Variants in MYO16 observed in about 807,000 individuals in gnomAD.
The protein encoded by MYO16 is unconventional myosin-XVI.
Under a neutral mutation model 205.3 loss-of-function variants are expected in MYO16, and 94 were observed. The ratio of observed to expected loss-of-function variants is 0.46; its 90% CI spans 0.39 to 0.54. MYO16 has a LOEUF of 0.54. MYO16 is among the 20% of genes least tolerant of loss of function. The pLI is 0.00. For synonymous variants in MYO16, 988 were observed against 954.0 expected (o/e 1.04, Z -0.66); for missense variants, 2,315 against 2,387.5 (o/e 0.97, Z 0.63).
At chr13:108,939,227 A>G (rs1882619326) in intron 16 of MYO16, among the ~76,000 whole-genome samples, 1 of 152,158 alleles carries the variant, frequency 6.6e-6, no homozygotes, top group Non-Finnish European at 1.5e-5. Context: ...TTTTCCCAGC[A>G]TCTTTTTCTC....
At chr13:108,752,450 G>A (rs1885266606) in intron 4 of MYO16, among the ~76,000 whole-genome samples, 1 of 152,082 alleles carries the variant, frequency 6.6e-6, no homozygotes, top group South Asian at 2.1e-4. Flanking sequence ...TATAAAGACA[G>A]GACTATTAAA....
chr13:108,713,434 G>A (rs920670162), intron 3 of MYO16, among the ~76,000 whole-genome samples: 5 of 152,088 alleles, frequency 3.3e-5, no homozygotes, highest in African/African-American at 1.2e-4. Flanking sequence ...GTAGTAGAGG[G>A]GGTCATGCCC....
chr13:108,564,694 G>C, the MYO16 span, among the ~76,000 whole-genome samples: 3 of 152,090 alleles, frequency 2.0e-5, no homozygotes, highest in Non-Finnish European at 2.9e-5. Context: ...GGTTGCTTAC[G>C]CTTGTAGAAT....
chr13:108,586,217 A>G, the MYO16 span, among the ~76,000 whole-genome samples: 1 of 152,206 alleles, frequency 6.6e-6, no homozygotes, highest in Non-Finnish European at 1.5e-5. Flanking sequence ...CTTAAAATAA[A>G]TGAATACAAG....
intron 1 of MYO16, among the ~76,000 whole-genome samples, chr13:108,601,465 C>A (rs1878760191): frequency 6.6e-6 from 1 of 152,088 alleles, no homozygotes; most frequent in African/African-American, 2.4e-5. Context: ...TTCTTCTCTA[C>A]TTAAAGAACT....
intron 2 of MYO16, among the ~76,000 whole-genome samples, chr13:108,671,427 C>T (rs1218362207): frequency 6.6e-6 from 1 of 152,118 alleles, no homozygotes; most frequent in Non-Finnish European, 1.5e-5. Flanking sequence ...AGGGAAATAT[C>T]CTCAGCAAGG....
At chr13:108,975,529 C>T (rs1292447923) in intron 20 of MYO16, among the ~76,000 whole-genome samples, 1 of 152,130 alleles carries the variant, frequency 6.6e-6, no homozygotes, top group Non-Finnish European at 1.5e-5. Context: ...TAATCTCTTT[C>T]AAGGGACGCA....
upstream of MYO16, among the ~76,000 whole-genome samples, chr13:108,592,728 C>CTCTGTG (rs76161516): frequency 2.2e-5 from 3 of 139,306 alleles, no homozygotes; most frequent in Non-Finnish European, 4.6e-5. Flanking sequence ...GTGAGGGTGG[C>CTCTGTG]TGTGTGTGTG....
intron 7 of MYO16, among the ~76,000 whole-genome samples, chr13:108,807,937 C>T (rs1887164208): frequency 6.6e-6 from 1 of 152,178 alleles, no homozygotes; most frequent in Non-Finnish European, 1.5e-5. Context: ...AATGAGTATA[C>T]ATTTCTGCAA....
intron 6 of MYO16, among the ~76,000 whole-genome samples, chr13:108,796,948 T>A (rs1321770676): frequency 2.3e-5 from 3 of 129,382 alleles, no homozygotes; most frequent in African/African-American, 5.9e-5. Context: ...AAATTAAAAT[T>A]AAAAAAAAAG....
the MYO16 span, among the ~76,000 whole-genome samples, chr13:108,551,985 T>C: frequency 6.6e-6 from 1 of 152,018 alleles, no homozygotes; most frequent in Non-Finnish European, 1.5e-5. Context: ...GGGAAAGAAA[T>C]GGGCAAGTTA....
intron 11 of MYO16, among the ~76,000 whole-genome samples, chr13:108,863,502 T>A (rs1392065247): frequency 6.6e-6 from 1 of 152,164 alleles, no homozygotes; most frequent in Non-Finnish European, 1.5e-5. Context: ...CAATTATTGA[T>A]CTTCAATTAG....
intron 1 of MYO16, 51 bp from the exon 2 acceptor site, chr13:108,665,835 A>C: frequency 6.4e-7 from 1 of 1,567,256 alleles, no homozygotes; most frequent in Non-Finnish European, 8.7e-7. Flanking sequence ...GTGCACACTT[A>C]TAGTGGTTAT....
chr13:108,932,597 G>T (rs73616422), intron 16 of MYO16, among the ~76,000 whole-genome samples: 2,744 of 152,288 alleles, frequency 0.018, 86 homozygotes, highest in African/African-American at 0.059. Flanking sequence ...CAAACCAAGA[G>T]AGGGCTGGCT....
chr13:108,673,347 C>A (rs1882070526), intron 2 of MYO16, among the ~76,000 whole-genome samples: 1 of 149,966 alleles, frequency 6.7e-6, no homozygotes, highest in Non-Finnish European at 1.5e-5. Context: ...CCTGATCAAT[C>A]CCTCCCCGTT....
At chr13:109,128,378 G>A (rs1876364993) in intron 31 of MYO16, among the ~76,000 whole-genome samples, 1 of 152,106 alleles carries the variant, frequency 6.6e-6, no homozygotes, top group Admixed American at 6.5e-5. Flanking sequence ...TGGAAGAGAG[G>A]TTGAGATTCT....
intron 6 of MYO16, among the ~76,000 whole-genome samples, chr13:108,794,906 G>A (rs1398298151): frequency 6.6e-6 from 1 of 152,126 alleles, no homozygotes; most frequent in Non-Finnish European, 1.5e-5. Context: ...AGTTGATAAG[G>A]AAAGTGATTT....
chr13:108,504,845 T>C, the MYO16 span, among the ~76,000 whole-genome samples: 1 of 152,160 alleles, frequency 6.6e-6, no homozygotes, highest in Non-Finnish European at 1.5e-5. Context: ...AATAACCACA[T>C]TCTATTTGCT....
the MYO16 span, among the ~76,000 whole-genome samples, chr13:108,585,634 G>A: frequency 5.3e-5 from 8 of 152,242 alleles, no homozygotes; most frequent in Non-Finnish European, 7.4e-5. Context: ...GACTTTGCAG[G>A]GCAATTTCAA....
Sources: allele counts gnomAD v4.1 joint callset (sites outside exome capture counted in the v4.1 genomes callset), GRCh38; gene constraint gnomAD v4.1.1; transcripts MANE v1.5; gene names NCBI Gene and HGNC (gene_info 2026-07-23, HGNC 2026-07-21).